The following ARNT2 variants were observed in gnomAD, a reference collection of about 807,000 sequenced individuals.
The protein encoded by ARNT2 is aryl hydrocarbon receptor nuclear translocator 2.
A neutral mutation model predicts 91.7 loss-of-function variants in ARNT2; 36 were observed. The ratio of observed to expected loss-of-function variants is 0.39; its 90% confidence interval spans 0.30 to 0.52. ARNT2 has a LOEUF of 0.52. Among genes scored for constraint, ARNT2 ranks in the 20% least tolerant of loss-of-function variants. ARNT2 has a pLI of 0.72. For missense variants in ARNT2, 775 were observed against 939.3 expected (o/e 0.83, Z 2.29); for synonymous variants, 365 against 347.1 (o/e 1.05, Z -0.57).
At chr15:80,585,026 G>T (rs1898869138) in intron 17 of ARNT2, among the ~76,000 whole-genome samples, 1 of 152,214 alleles carries the variant, frequency 6.6e-6, no homozygotes, top group African/African-American at 2.4e-5. Context: ...TATACATTGA[G>T]TGAGAAAAAA....
intron 1 of ARNT2, among the ~76,000 whole-genome samples, chr15:80,405,811 G>A (rs1895591919): frequency 6.6e-6 from 1 of 152,084 alleles, no homozygotes; most frequent in Non-Finnish European, 1.5e-5. Context: ...AGACTGAGGA[G>A]TATGGACTTT....
At chr15:80,580,623 A>T in intron 16 of ARNT2, 74 bp downstream of exon 16, 1 of 1,592,430 alleles carries the variant, frequency 6.3e-7, no homozygotes, top group East Asian at 2.3e-5. Context: ...TTTTCTTTGG[A>T]TTGCGGTTCT....
intron 3 of ARNT2, among the ~76,000 whole-genome samples, chr15:80,466,313 G>A (rs1240185224): frequency 6.6e-6 from 1 of 152,176 alleles, no homozygotes; most frequent in Admixed American, 6.5e-5. Context: ...TTCTTTCTGT[G>A]CCTTGATTTC....
chr15:80,435,826 T>C (rs973909510), intron 1 of ARNT2, among the ~76,000 whole-genome samples: 5 of 152,300 alleles, frequency 3.3e-5, no homozygotes, highest in African/African-American at 1.2e-4. Flanking sequence ...GATTCATTTA[T>C]TCATCCGTGT....
chr15:80,438,019 T>C lies in ARNT2; in HGVS notation c.32-12861T>C, dbSNP rs1240756661. On this transcript the variant is annotated intron_variant, in intron 1 of 18. Coordinates refer to ENST00000303329, the MANE Select transcript of ARNT2 (RefSeq NM_014862.4). ...TAGAGGTGCGTTGAGTTAATTCAGT[T>C]TTCCTTAATGCTGAATGGCTGAGCA... 2.0e-5 allele frequency among the ~76,000 whole-genome samples: 3 copies of C among 152,156 alleles called. No individual in the cohort carries two copies. The East Asian group carries it at 5.8e-4, about 29-fold the overall frequency.
intron 8 of ARNT2, among the ~76,000 whole-genome samples, chr15:80,548,477 A>G (rs1898026342): frequency 1.3e-5 from 2 of 152,170 alleles, no homozygotes; most frequent in South Asian, 4.1e-4. Flanking sequence ...GAATGCACAA[A>G]GAAAAAGGAA....
chr15:80,437,943 A>ACG (rs1272765854), intron 1 of ARNT2, among the ~76,000 whole-genome samples: 1 of 151,806 alleles, frequency 6.6e-6, no homozygotes, highest in Non-Finnish European at 1.5e-5. Flanking sequence ...ACACACACAC[A>ACG]CACACACACA....
At chr15:80,406,396 C>A (rs1354104785) in intron 1 of ARNT2, among the ~76,000 whole-genome samples, 1 of 152,060 alleles carries the variant, frequency 6.6e-6, no homozygotes, top group Non-Finnish European at 1.5e-5. Context: ...TCAACTACTT[C>A]AAAATCAATG....
intron 12 of ARNT2, among the ~76,000 whole-genome samples, chr15:80,567,062 C>G (rs1039429493): frequency 6.6e-6 from 1 of 152,030 alleles, no homozygotes; most frequent in Non-Finnish European, 1.5e-5. Context: ...ATGTGTGGCC[C>G]GGCCTTGAAG....
intron 9 of ARNT2, among the ~76,000 whole-genome samples, 172 bp downstream of exon 9, chr15:80,551,447 C>A (rs545025312): frequency 6.6e-6 from 1 of 152,208 alleles, no homozygotes; most frequent in Non-Finnish European, 1.5e-5. Context: ...GAGAAGGGGA[C>A]TGTGAGCTGT....
intron 11 of ARNT2, 200 bp from the exon 12 acceptor site, chr15:80,562,888 G>T: frequency 1.5e-6 from 1 of 667,980 alleles, no homozygotes; most frequent in Non-Finnish European, 2.7e-6. Context: ...CCCAGATGCA[G>T]CACCCCATTT....
chr15:80,506,643 G>C (rs188670726), intron 5 of ARNT2, among the ~76,000 whole-genome samples: 1 of 152,342 alleles, frequency 6.6e-6, no homozygotes, highest in Admixed American at 6.5e-5. Context: ...ACAGGAGGCC[G>C]ATTGAGTTTC....
chr15:80,570,129 G>A (rs554286253), intron 12 of ARNT2, among the ~76,000 whole-genome samples: 6 of 152,354 alleles, frequency 3.9e-5, no homozygotes, highest in East Asian at 3.9e-4. Context: ...TAAAAAGACC[G>A]CAAGGCCAAC....
At chr15:80,541,748 A>T (rs1897909651) in intron 8 of ARNT2, among the ~76,000 whole-genome samples, 1 of 152,262 alleles carries the variant, frequency 6.6e-6, no homozygotes, top group South Asian at 2.1e-4. Flanking sequence ...TGGAAGATAG[A>T]AAGACATCCG....
At chr15:80,543,240 C>T (rs1253869497) in intron 8 of ARNT2, among the ~76,000 whole-genome samples, 1 of 152,048 alleles carries the variant, frequency 6.6e-6, no homozygotes, top group Non-Finnish European at 1.5e-5. Context: ...GTGGGGTGCT[C>T]CACACACATC....
intron 1 of ARNT2, among the ~76,000 whole-genome samples, chr15:80,429,744 T>C (rs1895983171): frequency 6.6e-6 from 1 of 152,096 alleles, no homozygotes; most frequent in Admixed American, 6.6e-5. Flanking sequence ...TCCAGGTAGT[T>C]AGTGTCATAA....
At chr15:80,478,041 C>T (rs1896832870) in intron 5 of ARNT2, among the ~76,000 whole-genome samples, 1 of 152,182 alleles carries the variant, frequency 6.6e-6, no homozygotes, top group African/African-American at 2.4e-5. Flanking sequence ...CAGAAAGACT[C>T]TTTCTGCTAC....
intron 1 of ARNT2, among the ~76,000 whole-genome samples, chr15:80,422,424 A>G (rs993511517): frequency 1.3e-5 from 2 of 152,356 alleles, no homozygotes; most frequent in South Asian, 2.1e-4. Context: ...ATATTTTAAT[A>G]TGCTAGTTGA....
At chr15:80,419,391 G>A (rs1367605160) in intron 1 of ARNT2, among the ~76,000 whole-genome samples, 1 of 152,226 alleles carries the variant, frequency 6.6e-6, no homozygotes, top group Non-Finnish European at 1.5e-5. Flanking sequence ...CATTTCACAG[G>A]TGAGGAAATA....
Sources: gnomAD v4.1 joint callset for allele counts (sites outside exome capture counted in the v4.1 genomes callset) on GRCh38, gnomAD v4.1.1 for gene constraint, MANE v1.5 for transcripts, NCBI Gene and HGNC (gene_info 2026-07-23, HGNC 2026-07-21) for gene names.